Variants in GRIA3 observed in about 807,000 individuals in gnomAD.
The protein encoded by GRIA3 is glutamate receptor 3.
GRIA3 carries 3 observed loss-of-function variants against 63.0 expected under a neutral mutation model. The ratio of observed to expected loss-of-function variants is 0.05; its 90% CI spans 0.02 to 0.12. The LOEUF (loss-of-function observed/expected upper bound fraction) is 0.12, where lower values mean the gene tolerates loss of function less well. GRIA3 is among the 10% of genes least tolerant of loss of function. The pLI, the probability that GRIA3 is intolerant of heterozygous loss-of-function variation, is 1.00. For missense variants in GRIA3, 347 were observed against 700.9 expected (o/e 0.50, Z 5.70); for synonymous variants, 274 against 257.9 (o/e 1.06, Z -0.60).
chrX:123,405,028 T>C (rs938601266), intron 10 of GRIA3, 114 bp downstream of exon 10: 6 of 595,473 alleles, frequency 1.0e-5, no homozygotes, highest in African/African-American at 9.0e-5. Context: ...TTACATATAG[T>C]CTACAAGAAA....
chrX:123,221,475 T>C (rs963392684), intron 2 of GRIA3, among the ~76,000 whole-genome samples: 5 of 112,058 alleles, frequency 4.5e-5, no homozygotes, highest in Non-Finnish European at 1.9e-5. Context: ...CAGGTGGAGA[T>C]ATAAAATGAG....
chrX:123,482,275 C>T (rs187858535), intron 14 of GRIA3, among the ~76,000 whole-genome samples: 17 of 112,128 alleles, frequency 1.5e-4, no homozygotes, highest in Non-Finnish European at 3.0e-4. Context: ...TAGCAGGAAC[C>T]TCTAATATTA....
intron 2 of GRIA3, among the ~76,000 whole-genome samples, chrX:123,213,398 G>A (rs895033182): frequency 1.8e-5 from 2 of 112,147 alleles, no homozygotes; most frequent in African/African-American, 6.5e-5. Flanking sequence ...TCAGCCTTAT[G>A]AGGTTGTTAC....
chrX:123,398,071 A>C (rs1250757527), intron 6 of GRIA3, among the ~76,000 whole-genome samples: 1 of 112,122 alleles, frequency 8.9e-6, no homozygotes, highest in Non-Finnish European at 1.9e-5. Flanking sequence ...ATTGAAAAAC[A>C]GCTTTGGTTT....
intron 2 of GRIA3, among the ~76,000 whole-genome samples, chrX:123,188,031 C>T (rs1603014081): frequency 1.8e-5 from 2 of 111,724 alleles, no homozygotes; most frequent in South Asian, 7.6e-4. Flanking sequence ...CTTGAGAGTT[C>T]GGGAGAAGGA....
At chrX:123,447,878 A>G (rs771109573) in intron 12 of GRIA3, among the ~76,000 whole-genome samples, 31 of 112,169 alleles carry the variant, frequency 2.8e-4, no homozygotes, top group Non-Finnish European at 5.1e-4. Flanking sequence ...CCCATCTCTC[A>G]GAGCTGATAC....
intron 12 of GRIA3, among the ~76,000 whole-genome samples, chrX:123,456,548 T>C (rs2045762358): frequency 9.0e-6 from 1 of 110,627 alleles, no homozygotes; most frequent in South Asian, 3.9e-4. Flanking sequence ...TTAAAGAACT[T>C]CAGAATGGGC....
chrX:123,371,700 T>C (rs2045248388), intron 5 of GRIA3, among the ~76,000 whole-genome samples: 1 of 111,704 alleles, frequency 9.0e-6, no homozygotes, highest in South Asian at 3.7e-4. Context: ...GAAATATATA[T>C]TCAAATCTAT....
At chrX:123,367,764 G>T (rs1328073700) in intron 5 of GRIA3, among the ~76,000 whole-genome samples, 1 of 111,174 alleles carries the variant, frequency 9.0e-6, no homozygotes, top group Non-Finnish European at 1.9e-5. Context: ...TTGTTTGTTT[G>T]TTTTTTCTGA....
intron 5 of GRIA3, among the ~76,000 whole-genome samples, chrX:123,374,588 A>G (rs1338065764): frequency 9.0e-6 from 1 of 111,457 alleles, no homozygotes; most frequent in East Asian, 2.8e-4. Flanking sequence ...TGTAAGTTGG[A>G]TTCCTAGGTA....
chrX:123,362,341 A>G (rs541672429), intron 5 of GRIA3, among the ~76,000 whole-genome samples: 2 of 111,903 alleles, frequency 1.8e-5, no homozygotes, highest in South Asian at 3.8e-4. Context: ...GGAAGTCTGC[A>G]TAGTGTAGCC....
intron 5 of GRIA3, among the ~76,000 whole-genome samples, chrX:123,390,149 T>C (rs760482627): frequency 6.7e-4 from 75 of 112,385 alleles, no homozygotes; most frequent in African/African-American, 2.4e-3. Flanking sequence ...TCTTACTGCT[T>C]ATCATTGTGG....
intron 15 of GRIA3, among the ~76,000 whole-genome samples, chrX:123,487,820 T>C (rs2045949717): frequency 8.9e-6 from 1 of 112,311 alleles, no homozygotes; most frequent in Non-Finnish European, 1.9e-5. Flanking sequence ...AGTCTTATTC[T>C]ACCATCCTTG....
At chrX:123,189,483 GC>G (rs1927368569) in intron 2 of GRIA3, among the ~76,000 whole-genome samples, 1 of 111,894 alleles carries the variant, frequency 8.9e-6, no homozygotes, top group Non-Finnish European at 1.9e-5. Flanking sequence ...GTGTCTTTCT[GC>G]TGTGCACTTG....
chrX:123,196,813 C>G (rs1927587739), intron 2 of GRIA3, among the ~76,000 whole-genome samples: 1 of 111,902 alleles, frequency 8.9e-6, no homozygotes, highest in African/African-American at 3.3e-5. Context: ...GAGATAAACT[C>G]CTGAGGTGAT....
intron 3 of GRIA3, among the ~76,000 whole-genome samples, chrX:123,269,531 T>A (rs2044508064): frequency 9.0e-6 from 1 of 111,702 alleles, no homozygotes; most frequent in Non-Finnish European, 1.9e-5. Context: ...TTGGTTTTCT[T>A]CTATGAGAAT....
chrX:123,285,557 C>A, intron 3 of GRIA3, among the ~76,000 whole-genome samples: 1 of 37,302 alleles, frequency 2.7e-5, no homozygotes, highest in East Asian at 9.5e-4. Flanking sequence ...TGGAAAAATA[C>A]TTTCCAAGCA....
intron 4 of GRIA3, among the ~76,000 whole-genome samples, chrX:123,329,870 G>C (rs1252314028): frequency 9.0e-6 from 1 of 111,695 alleles, no homozygotes; most frequent in Non-Finnish European, 1.9e-5. Flanking sequence ...TTTTTGAAAA[G>C]GTTGCCTCTC....
At chrX:123,379,889 C>A (rs374087839) in intron 5 of GRIA3, among the ~76,000 whole-genome samples, 1 of 102,323 alleles carries the variant, frequency 9.8e-6, no homozygotes, top group Admixed American at 1.1e-4. Flanking sequence ...TGAGAATATG[C>A]GGTGTTTGGT....
Sources: allele counts gnomAD v4.1 joint callset (sites outside exome capture counted in the v4.1 genomes callset), GRCh38; gene constraint gnomAD v4.1.1; transcripts MANE v1.5; gene names NCBI Gene and HGNC (gene_info 2026-07-23, HGNC 2026-07-21).